Variants in AGXT2 observed in about 807,000 individuals in gnomAD.
AGXT2 encodes alanine--glyoxylate aminotransferase 2, mitochondrial.
AGXT2 carries 61 observed loss-of-function variants against 62.5 expected under a neutral mutation model. The ratio of observed to expected loss-of-function variants is 0.98; its 90% confidence interval spans 0.79 to 1.21. AGXT2 has a LOEUF of 1.21. AGXT2 is among the 50% of genes most tolerant of loss of function. The pLI, the probability that AGXT2 is intolerant of heterozygous loss-of-function variation, is 0.00. For synonymous variants in AGXT2, 243 were observed against 218.7 expected, an observed-to-expected ratio of 1.11 and a Z score of -0.98; for missense variants, 666 against 641.5, an observed-to-expected ratio of 1.04 and a Z score of -0.41.
chr5:35,031,958 T>A (rs140462536), intron 7 of AGXT2, among the ~76,000 whole-genome samples: 81,206 of 118,932 alleles, frequency 0.68, 26,763 homozygotes, highest in Middle Eastern at 0.79. Flanking sequence ...TTTTTTTTTT[T>A]TTTTTTTTTT....
chr5:35,030,745 A>G (rs954331551), intron 7 of AGXT2, among the ~76,000 whole-genome samples: 2 of 152,194 alleles, frequency 1.3e-5, no homozygotes, highest in African/African-American at 4.8e-5. Flanking sequence ...AAAGAAGGAA[A>G]TGACCACCTT....
At chr5:35,029,696 T>G (rs554444026) in intron 7 of AGXT2, among the ~76,000 whole-genome samples, 116 of 152,208 alleles carry the variant, frequency 7.6e-4, no homozygotes, top group African/African-American at 2.8e-3. Context: ...AAAACAAAAC[T>G]TGCCTTTCAA....
chr5:35,015,849 CAAAAAAAA>C lies in AGXT2; in HGVS notation c.964-1738_964-1731del, dbSNP rs557021858. On this transcript the variant is annotated intron_variant, in intron 9 of 13. Transcript: ENST00000231420. ...TGGGCAACAGAGTGAGACTCCATCT[CAAAAAAAA>C]AAAAAAAAAAAAAAAAGAGTGAGCC... Among the ~76,000 whole-genome samples, 5 of 69,518 alleles carry C rather than the reference CAAAAAAAA, an allele frequency of 7.2e-5. No individual in the cohort carries two copies. In the East Asian group the frequency reaches 1.6e-3, roughly 22 times the overall value. 45.6% of individuals were successfully genotyped at this position (69,518 alleles called of 152,430 possible).
chr5:34,998,567 T>C lies in AGXT2; in HGVS notation c.*152A>G. On this transcript the variant is annotated 3_prime_UTR_variant, in exon 14 of 14. Coordinates refer to ENST00000231420, the MANE Select transcript of AGXT2 (RefSeq NM_031900.4). Reference sequence around the variant, plus strand: ...ATAAGAGGGGCTCTGCTAACAAATATGGTTGGTAGGCAGTCAACCATGACT... The same window carrying C: ...ATAAGAGGGGCTCTGCTAACAAATACGGTTGGTAGGCAGTCAACCATGACT... The C allele has an allele frequency of 1.5e-6, 1 of 664,852 alleles. No individual in the cohort carries two copies. The highest frequency in any genetic ancestry group is 2.7e-6 in the Non-Finnish European group (1 of 374,812). 41.2% of individuals were successfully genotyped at this position (664,852 alleles called of 1,614,324 possible).
intron 9 of AGXT2, among the ~76,000 whole-genome samples, chr5:35,014,390 C>G (rs1348988420): frequency 2.9e-5 from 4 of 137,456 alleles, no homozygotes; most frequent in Non-Finnish European, 4.6e-5. Context: ...AGGGCAGAGG[C>G]TGCAGTGAGC....
Position 34,998,416 on chromosome 5 carries a change from C to T in AGXT2, c.*303G>A, listed in dbSNP as rs1332249338. 1 of 388,812 alleles carries T rather than the reference C, an allele frequency of 2.6e-6. No homozygotes were observed. Among genetic ancestry groups the T allele is most frequent in the Non-Finnish European group, 4.7e-6 (1 of 213,984 alleles). The allele number at this position is 388,812 out of a possible 1,614,324, so 24.1% of individuals were successfully genotyped here. A position where few individuals can be genotyped will look rare whatever the true frequency, so the allele number is the denominator to read the frequency against. On this transcript the variant is annotated 3_prime_UTR_variant, in exon 14 of 14. Transcript: ENST00000231420. ...CTTCAAGATTCACTGGACAAAAATACATCACATATTCATGCATAAACCAAT... is the reference window on the plus strand; with the variant it reads ...CTTCAAGATTCACTGGACAAAAATATATCACATATTCATGCATAAACCAAT...
At chr5:35,045,584 G>T (rs1768156500) in intron 1 of AGXT2, among the ~76,000 whole-genome samples, 2 of 152,048 alleles carry the variant, frequency 1.3e-5, no homozygotes, top group Admixed American at 6.6e-5. Flanking sequence ...TATTGCACAT[G>T]GCAGGTGCTC....
At chr5:35,036,333 C>A (rs530374738) in intron 4 of AGXT2, among the ~76,000 whole-genome samples, 45 of 152,296 alleles carry the variant, frequency 3.0e-4, no homozygotes, top group Non-Finnish European at 5.0e-4. Flanking sequence ...CGGGACTGAG[C>A]ATTGTTCTAG....
At chr5:35,036,133 TG>T (rs1767762495) in intron 4 of AGXT2, among the ~76,000 whole-genome samples, 2 of 151,002 alleles carry the variant, frequency 1.3e-5, no homozygotes, top group South Asian at 4.2e-4. Flanking sequence ...GACAAAAGAA[TG>T]GGGAGAATGA....
rs529227453 is a variant in AGXT2, at chr5:35,044,594, T to C, written c.88+3211A>G. ...CCTGGCCTTCCTTGGCTTCTTTGCG[T>C]GTGGGGTCCTGTCCACGTCCTCAGC... On this transcript the variant is annotated intron_variant, in intron 1 of 13. Coordinates refer to ENST00000231420, the MANE Select transcript of AGXT2 (RefSeq NM_031900.4). Among the ~76,000 whole-genome samples the C allele has an allele frequency of 1.3e-4, 20 of 152,336 alleles. No homozygotes were observed. In the East Asian group the frequency reaches 3.9e-3, roughly 29 times the overall value.
chr5:35,038,256 C>A (rs193041466), intron 3 of AGXT2, among the ~76,000 whole-genome samples: 1 of 152,274 alleles, frequency 6.6e-6, no homozygotes, highest in Non-Finnish European at 1.5e-5. Flanking sequence ...AAAGAAGAGA[C>A]ATTTGACAAA....
At position 35,025,823 on chromosome 5, in the gene AGXT2, C is replaced by T. The variant is rs1259766843; in HGVS notation, c.903G>A (p.Gly301=). 1 of 1,614,142 alleles carries T rather than the reference C, an allele frequency of 6.2e-7. No individual in the cohort carries two copies. Among genetic ancestry groups the T allele is most frequent in the Admixed American group, 1.7e-5 (1 of 60,010 alleles). ...GVNGVVQYPK[G]FLKEAFELVR... ...CCAGCTCAAAGGCTTCCTTTAGAAA[C>T]CCCTTTGGGTACTGGACAACTCCAT... The change falls in exon 9 of 14, where the codon GGG becomes GGA. Residue 301 remains glycine (G), a synonymous_variant. Transcript: ENST00000231420.
chr5:35,041,046 G>GCCTAGT (rs1180188884), intron 1 of AGXT2, among the ~76,000 whole-genome samples: 1 of 151,916 alleles, frequency 6.6e-6, no homozygotes, highest in Non-Finnish European at 1.5e-5. Context: ...GCTTCAAGCT[G>GCCTAGT]CCTAGTGCCT....
intron 13 of AGXT2, among the ~76,000 whole-genome samples, chr5:35,003,466 T>A (rs564350886): frequency 1.8e-4 from 27 of 152,334 alleles, no homozygotes; most frequent in Admixed American, 1.3e-3. Context: ...TACTGTTAGT[T>A]GTCCGCTTTG....
intron 3 of AGXT2, 55 bp from the exon 4 acceptor site, chr5:35,037,120 C>T: frequency 6.2e-7 from 1 of 1,611,666 alleles, no homozygotes; most frequent in Non-Finnish European, 8.5e-7. Context: ...CCCTCCTGCA[C>T]ACACCCTGGT....
chr5:35,047,588 C>A (rs753890895), intron 1 of AGXT2, among the ~76,000 whole-genome samples: 1 of 151,934 alleles, frequency 6.6e-6, no homozygotes, highest in East Asian at 1.9e-4. Context: ...TCATTATCCA[C>A]GAATTTCATT....
intron 7 of AGXT2, chr5:35,026,991 G>A: frequency 1.0e-6 from 1 of 985,404 alleles, no homozygotes; most frequent in Non-Finnish European, 1.2e-6. Flanking sequence ...AAATATGCTT[G>A]TAGAACAATT....
chr5:35,036,321 C>T (rs1199278929), intron 4 of AGXT2, among the ~76,000 whole-genome samples: 1 of 152,170 alleles, frequency 6.6e-6, no homozygotes, highest in Non-Finnish European at 1.5e-5. Context: ...ATAGATAACA[C>T]TCGGGACTGA....
At position 35,026,462 on chromosome 5, in the gene AGXT2, A is replaced by C. The variant is rs1435310967; in HGVS notation, c.818T>G (p.Leu273Arg). 1 of 1,614,190 alleles carries C rather than the reference A, an allele frequency of 6.2e-7. No homozygotes were observed. The highest frequency in any genetic ancestry group is 1.3e-5 in the African/African-American group (1 of 75,074). The change falls in exon 8 of 14, where the codon CTG becomes CGG. Residue 273 changes from leucine (L) to arginine (R), a missense_variant. Transcript: ENST00000231420. ...DQYIEQFKDT[L>R]STSVAKSIAG... ...AATTGACTTGGCCACAGATGTGCTCAGCGTATCTTTGAATTGCTCAATATA... is the reference window on the plus strand; with the variant it reads ...AATTGACTTGGCCACAGATGTGCTCCGCGTATCTTTGAATTGCTCAATATA...
Sources: allele counts gnomAD v4.1 joint callset (sites outside exome capture counted in the v4.1 genomes callset), GRCh38; gene constraint gnomAD v4.1.1; transcripts MANE v1.5; gene names NCBI Gene and HGNC (gene_info 2026-07-23, HGNC 2026-07-21).